AOX1: variants seen among roughly 807,000 people sequenced by gnomAD.
AOX1 encodes aldehyde oxidase 1.
A neutral mutation model predicts 169.5 loss-of-function variants in AOX1; 153 were observed. The observed-to-expected ratio is 0.90, with a 90% CI of 0.79 to 1.03. AOX1 has a LOEUF of 1.03. Among genes scored for constraint, AOX1 ranks in the 50% least tolerant of loss-of-function variants. The pLI is 0.00. For missense variants in AOX1, 1,656 were observed against 1,663.9 expected, an observed-to-expected ratio of 1.00 and a Z score of 0.08; for synonymous variants, 562 against 581.9, an observed-to-expected ratio of 0.97 and a Z score of 0.49.
intron 1 of AOX1, among the ~76,000 whole-genome samples, chr2:200,591,625 T>TC (rs1260352446): frequency 6.6e-6 from 1 of 152,196 alleles, no homozygotes; most frequent in Non-Finnish European, 1.5e-5. Flanking sequence ...ATTTTCTGGT[T>TC]CCCTCTACCA....
At chr2:200,604,460 C>A (rs138525311) in intron 8 of AOX1, among the ~76,000 whole-genome samples, 1 of 152,296 alleles carries the variant, frequency 6.6e-6, no homozygotes, top group Non-Finnish European at 1.5e-5. Context: ...AAATGATGTT[C>A]TTTGAGACAA....
rs201006322 is a variant in AOX1 at position 200,604,110 on chromosome 2, A to G, written c.669+13A>G. On this transcript the variant is annotated intron_variant, in intron 8 of 34. Transcript: ENST00000374700. ...TCCTGAGCTAATGGTGAGTAAAGCA[A>G]TGTTGAGCTCATCCTAGAAGAATTC... The G allele has an allele frequency of 3.8e-5, 59 of 1,572,754 alleles. No individual in the cohort carries two copies. The South Asian group carries it at 5.4e-4, about 14-fold the overall frequency.
chr2:200,632,798 G>T (rs920863796), intron 20 of AOX1, among the ~76,000 whole-genome samples: 1 of 151,966 alleles, frequency 6.6e-6, no homozygotes, highest in Non-Finnish European at 1.5e-5. Context: ...TGAGTTGACA[G>T]GTATTTTCAC....
In AOX1 at chr2:200,604,759, T is replaced by TC; in HGVS notation, c.738dup (p.Val247ArgfsTer10). On this transcript the variant is annotated frameshift_variant, in exon 9 of 35. Coordinates refer to ENST00000374700, the MANE Select transcript of AOX1 (RefSeq NM_001159.4). LOFTEE classifies it high-confidence loss of function. ...TGGCAGTGAGAGAATGATGTGGTTTTCCCCCGTGACCCTGAAGGAACTGCT... is the reference window on the plus strand; with the variant it reads ...TGGCAGTGAGAGAATGATGTGGTTTTCCCCCCGTGACCCTGAAGGAACTGCT... 6.2e-7 allele frequency: 1 copy of TC among 1,614,042 alleles called. No individual in the cohort carries two copies.
intron 20 of AOX1, among the ~76,000 whole-genome samples, chr2:200,634,286 A>T (rs1297401360): frequency 6.7e-6 from 1 of 148,744 alleles, no homozygotes; most frequent in Non-Finnish European, 1.5e-5. Context: ...AACCCACTGA[A>T]CTCACTGCTG....
At chr2:200,673,485 G>A (rs1033446132), downstream of AOX1, among the ~76,000 whole-genome samples, 1 of 152,138 alleles carries the variant, frequency 6.6e-6, no homozygotes, top group Non-Finnish European at 1.5e-5. Context: ...TCCTGAATCT[G>A]CCTCTCCCTC....
chr2:200,635,828 G>T (rs539241880), intron 21 of AOX1, among the ~76,000 whole-genome samples: 172 of 152,286 alleles, frequency 1.1e-3, no homozygotes, highest in African/African-American at 4.0e-3. Context: ...TAAGGAGCCA[G>T]TGCTCTTAGC....
intron 23 of AOX1, among the ~76,000 whole-genome samples, chr2:200,640,091 G>T (rs1325606667): frequency 6.6e-6 from 1 of 151,922 alleles, no homozygotes; most frequent in Non-Finnish European, 1.5e-5. Context: ...CCAGGTGTGG[G>T]AATAGTAAGA....
At chr2:200,655,293 G>A (rs2035660851) in intron 26 of AOX1, among the ~76,000 whole-genome samples, 1 of 152,184 alleles carries the variant, frequency 6.6e-6, no homozygotes, top group Non-Finnish European at 1.5e-5. Context: ...ATGGAATGGG[G>A]CCCAGGAGCT....
At chr2:200,591,372 C>T (rs774893065) in intron 1 of AOX1, among the ~76,000 whole-genome samples, 1 of 152,216 alleles carries the variant, frequency 6.6e-6, no homozygotes, top group Admixed American at 6.5e-5. Context: ...GGTGGCAGAA[C>T]TCTCCATAGA....
chr2:200,598,720 GGCA>G (rs2034341086), intron 4 of AOX1, among the ~76,000 whole-genome samples: 2 of 151,456 alleles, frequency 1.3e-5, no homozygotes, highest in Non-Finnish European at 1.5e-5. Flanking sequence ...ACTCCAGCCT[GGCA>G]ACAGAGCAAG....
intron 20 of AOX1, among the ~76,000 whole-genome samples, chr2:200,629,999 C>T (rs1162166007): frequency 6.6e-6 from 1 of 152,012 alleles, no homozygotes; most frequent in Non-Finnish European, 1.5e-5. Context: ...AATCCCAGCA[C>T]TTTGGGAGGC....
At chr2:200,622,449 A>G (rs1350189181) in intron 18 of AOX1, among the ~76,000 whole-genome samples, 1 of 152,250 alleles carries the variant, frequency 6.6e-6, no homozygotes, top group Non-Finnish European at 1.5e-5. Context: ...AAAGGGCTTC[A>G]TAATTTGAAA....
chr2:200,677,523 A>G (rs2036117753), downstream of AOX1, among the ~76,000 whole-genome samples: 1 of 152,200 alleles, frequency 6.6e-6, no homozygotes, highest in Non-Finnish European at 1.5e-5. Context: ...TAAGGGTCTC[A>G]AATCTTCCCA....
chr2:200,629,964 G>A (rs1038370871), intron 20 of AOX1, among the ~76,000 whole-genome samples: 11 of 152,168 alleles, frequency 7.2e-5, no homozygotes, highest in African/African-American at 2.4e-4. Flanking sequence ...CAGTATAAAC[G>A]CCAGCTGCAG....
intron 18 of AOX1, among the ~76,000 whole-genome samples, chr2:200,623,083 A>T (rs568967432): frequency 2.0e-5 from 3 of 152,218 alleles, no homozygotes; most frequent in Non-Finnish European, 2.9e-5. Flanking sequence ...AAGACATAAT[A>T]GTTCAAAGTC....
At chr2:200,603,182 A>G in intron 6 of AOX1, 85 bp from the exon 7 acceptor site, 2 of 1,029,940 alleles carry the variant, frequency 1.9e-6, no homozygotes, top group Non-Finnish European at 3.0e-6. Context: ...ATTCAGCATT[A>G]TGTTTCAACT....
At position 200,642,821 on chromosome 2, in the gene AOX1, A is replaced by G; in HGVS notation, c.2847+20A>G. 6.2e-7 allele frequency: 1 copy of G among 1,600,824 alleles called. No homozygotes were observed. Among genetic ancestry groups the G allele is most frequent in the Non-Finnish European group, 8.5e-7 (1 of 1,171,844 alleles). ...GAGAAGGTAATACTAAATCAGCTTCACAGACAAAACATGTGGAATGTCAGA... is the reference window on the plus strand; with the variant it reads ...GAGAAGGTAATACTAAATCAGCTTCGCAGACAAAACATGTGGAATGTCAGA... On this transcript the variant is annotated intron_variant, in intron 25 of 34. Coordinates refer to ENST00000374700, the MANE Select transcript of AOX1 (RefSeq NM_001159.4).
chr2:200,593,207 T>G lies in AOX1; in HGVS notation c.103+4T>G. ...TTGCCTTATTTGAGGAAGAAGCGTA[T>G]CCTTTTCTTTACTTTGACTGTGTAT... On this transcript the variant is annotated splice_donor_region_variant and intron_variant, in intron 2 of 34. Transcript: ENST00000374700. The G allele has an allele frequency of 1.2e-6, 2 of 1,612,688 alleles. No individual in the cohort carries two copies. Among genetic ancestry groups the G allele is most frequent in the Non-Finnish European group, 1.7e-6 (2 of 1,178,896 alleles).
Sources: gnomAD v4.1 joint callset for allele counts (sites outside exome capture counted in the v4.1 genomes callset) on GRCh38, gnomAD v4.1.1 for gene constraint, MANE v1.5 for transcripts, NCBI Gene and HGNC (gene_info 2026-07-23, HGNC 2026-07-21) for gene names.